Variants in INSC observed in about 807,000 individuals in gnomAD.
INSC encodes the protein INSC spindle orientation adaptor protein.
In INSC, 67 loss-of-function variants were observed where a neutral mutation model predicts 58.6. That is an observed-to-expected ratio of 1.14 (90% CI 0.94 to 1.40). INSC has a LOEUF of 1.40. INSC is among the 40% of genes most tolerant of loss of function. The pLI is 0.00. For synonymous variants in INSC, 262 were observed against 276.1 expected (o/e 0.95, Z 0.51); for missense variants, 714 against 692.0 (o/e 1.03, Z -0.36).
rs761410512 is a variant in INSC, at chr11:15,200,873, G to A, written c.743G>A (p.Arg248Gln). 9.3e-6 allele frequency: 15 copies of A among 1,613,876 alleles called. No homozygotes were observed. Among genetic ancestry groups the A allele is most frequent in the African/African-American group, 4.0e-5 (3 of 74,908 alleles). ...LFKVCRQDSF[R>Q]CLYPQALRTL... ...AAGGTTTGCCGGCAGGACAGTTTCC[G>A]GTGCTTGTACCCCCAGGCGCTCCGC... is the stretch of plus-strand genomic sequence containing the variant. The change falls in exon 7 of 13, where the codon CGG becomes CAG. Residue 248 changes from arginine to glutamine, a missense_variant. Coordinates refer to ENST00000379556, the MANE Select transcript of INSC (RefSeq NM_001042536.3).
intron 2 of INSC, among the ~76,000 whole-genome samples, chr11:15,159,291 G>A (rs984529229): frequency 1.3e-5 from 2 of 152,126 alleles, no homozygotes; most frequent in African/African-American, 4.8e-5. Flanking sequence ...ACTGGCTCTT[G>A]GAAACCCTCT....
At chr11:15,121,537 A>G (rs931100436) in intron 1 of INSC, among the ~76,000 whole-genome samples, 1 of 152,220 alleles carries the variant, frequency 6.6e-6, no homozygotes, top group African/African-American at 2.4e-5. Flanking sequence ...TCACTTGCTT[A>G]AGAATAATGT....
intron 1 of INSC, among the ~76,000 whole-genome samples, chr11:15,120,499 T>G (rs780493037): frequency 6.6e-6 from 1 of 152,154 alleles, no homozygotes; most frequent in Non-Finnish European, 1.5e-5. Context: ...AACAGGAAGT[T>G]GCCAGGAAGA....
At chr11:15,245,439 C>T (rs776108637) in intron 12 of INSC, among the ~76,000 whole-genome samples, 1 of 152,098 alleles carries the variant, frequency 6.6e-6, no homozygotes, top group Non-Finnish European at 1.5e-5. Flanking sequence ...TTTTATTCTG[C>T]CAGCACCTCT....
At chr11:15,180,737 G>A (rs911625129) in intron 5 of INSC, among the ~76,000 whole-genome samples, 3 of 149,716 alleles carry the variant, frequency 2.0e-5, no homozygotes, top group African/African-American at 7.4e-5. Flanking sequence ...CCATTCATCT[G>A]CATATTAGTT....
At chr11:15,172,440 G>A (rs1849431876) in intron 2 of INSC, among the ~76,000 whole-genome samples, 1 of 152,164 alleles carries the variant, frequency 6.6e-6, no homozygotes, top group African/African-American at 2.4e-5. Flanking sequence ...ACTGATATAT[G>A]TCAGACACTG....
chr11:15,267,424 C>T, the INSC span, among the ~76,000 whole-genome samples: 4 of 151,872 alleles, frequency 2.6e-5, no homozygotes, highest in African/African-American at 2.4e-5. Context: ...CTATTCATTT[C>T]CCCCCAGTTT....
At chr11:15,260,625 CTTAT>C in the INSC span, among the ~76,000 whole-genome samples, 1 of 152,090 alleles carries the variant, frequency 6.6e-6, no homozygotes, top group Non-Finnish European at 1.5e-5. Context: ...CAAGATGCAA[CTTAT>C]TATTGTTTTG....
At chr11:15,176,372 A>T (rs895782308) in intron 3 of INSC, among the ~76,000 whole-genome samples, 15 of 152,034 alleles carry the variant, frequency 9.9e-5, no homozygotes, top group African/African-American at 3.6e-4. Flanking sequence ...TATTGACTTT[A>T]ATGCCAGACT....
At chr11:15,182,288 A>C (rs1400826597) in intron 5 of INSC, among the ~76,000 whole-genome samples, 2 of 152,016 alleles carry the variant, frequency 1.3e-5, no homozygotes, top group Non-Finnish European at 2.9e-5. Flanking sequence ...TAACAGATAC[A>C]TGCTCATCTG....
chr11:15,241,294 G>A (rs1852342202), intron 12 of INSC, among the ~76,000 whole-genome samples: 1 of 152,138 alleles, frequency 6.6e-6, no homozygotes, highest in African/African-American at 2.4e-5. Flanking sequence ...TGTGTTCAAA[G>A]AACATAAGGG....
At chr11:15,161,921 C>A (rs926535386) in intron 2 of INSC, among the ~76,000 whole-genome samples, 5 of 152,166 alleles carry the variant, frequency 3.3e-5, no homozygotes, top group African/African-American at 9.7e-5. Context: ...AGTTAATAGC[C>A]TAACCATGCT....
chr11:15,155,411 C>T (rs1030531036), intron 2 of INSC, among the ~76,000 whole-genome samples: 1 of 152,216 alleles, frequency 6.6e-6, no homozygotes, highest in African/African-American at 2.4e-5. Context: ...ATGCCATTTG[C>T]AGCACAGTGA....
intron 2 of INSC, among the ~76,000 whole-genome samples, chr11:15,165,000 C>A (rs1849146867): frequency 6.6e-6 from 1 of 152,168 alleles, no homozygotes; most frequent in South Asian, 2.1e-4. Context: ...TTATAAATTA[C>A]CCAGGCTCAG....
intron 7 of INSC, among the ~76,000 whole-genome samples, chr11:15,213,876 T>C (rs1284928633): frequency 1.3e-5 from 2 of 152,220 alleles, no homozygotes; most frequent in African/African-American, 4.8e-5. Context: ...GATAATATTA[T>C]CATCCTGAAG....
At chr11:15,176,907 C>T (rs1449885814) in intron 3 of INSC, among the ~76,000 whole-genome samples, 3 of 152,146 alleles carry the variant, frequency 2.0e-5, no homozygotes, top group Non-Finnish European at 4.4e-5. Context: ...TAAATAACTG[C>T]TCAGTTTCAT....
chr11:15,113,139 T>C (rs34576692), upstream of INSC, among the ~76,000 whole-genome samples: 9 of 56,216 alleles, frequency 1.6e-4, no homozygotes, highest in African/African-American at 3.5e-4. Flanking sequence ...CTTTCTTTCT[T>C]TCTTTCTGTC....
At chr11:15,112,270 A>C (rs1026936121), upstream of INSC, among the ~76,000 whole-genome samples, 2 of 152,058 alleles carry the variant, frequency 1.3e-5, no homozygotes, top group South Asian at 4.1e-4. Context: ...AGGCAGACAG[A>C]GGGGAGGGGG....
intron 7 of INSC, among the ~76,000 whole-genome samples, chr11:15,214,524 C>G (rs1851142627): frequency 1.3e-5 from 2 of 152,156 alleles, no homozygotes; most frequent in Non-Finnish European, 1.5e-5. Flanking sequence ...TGTATATTAG[C>G]CTGTGTCCTT....
Sources: allele counts gnomAD v4.1 joint callset (sites outside exome capture counted in the v4.1 genomes callset), GRCh38; gene constraint gnomAD v4.1.1; transcripts MANE v1.5; gene names NCBI Gene and HGNC (gene_info 2026-07-23, HGNC 2026-07-21).